The following NKAIN2 variants were observed in gnomAD, a reference collection of about 807,000 sequenced individuals.
The protein encoded by NKAIN2 is sodium/potassium-transporting ATPase subunit beta-1-interacting protein 2.
Under a neutral mutation model 32.6 loss-of-function variants are expected in NKAIN2, and 14 were observed. The ratio of observed to expected loss-of-function variants is 0.43; its 90% CI spans 0.28 to 0.67. NKAIN2 has a LOEUF of 0.67. Ranked by LOEUF, NKAIN2 falls within the 30% of genes least tolerant of loss-of-function variation. The pLI is 0.17. For missense variants in NKAIN2, 198 were observed against 258.3 expected, an observed-to-expected ratio of 0.77 and a Z score of 1.60; for synonymous variants, 80 against 87.2, an observed-to-expected ratio of 0.92 and a Z score of 0.46.
intron 1 of NKAIN2, among the ~76,000 whole-genome samples, chr6:123,987,623 G>A (rs1019915861): frequency 1.3e-5 from 2 of 152,140 alleles, no homozygotes; most frequent in African/African-American, 4.8e-5. Flanking sequence ...TCAGTGCCTT[G>A]CATTTGTAAG....
intron 3 of NKAIN2, among the ~76,000 whole-genome samples, chr6:124,624,752 C>T (rs1323579726): frequency 6.6e-6 from 1 of 152,106 alleles, no homozygotes; most frequent in Non-Finnish European, 1.5e-5. Context: ...TACTCTAACA[C>T]AAGTCTATTT....
intron 2 of NKAIN2, among the ~76,000 whole-genome samples, chr6:124,315,492 A>G (rs988496731): frequency 4.0e-5 from 6 of 151,830 alleles, no homozygotes; most frequent in African/African-American, 1.2e-4. Flanking sequence ...AGCAATTGAC[A>G]TGTGTAAAAT....
chr6:124,404,436 C>G (rs1488228401), intron 3 of NKAIN2, among the ~76,000 whole-genome samples: 1 of 152,184 alleles, frequency 6.6e-6, no homozygotes, highest in Non-Finnish European at 1.5e-5. Context: ...GCCAGAAGAA[C>G]AGTGGCACCA....
chr6:123,911,824 C>CTGT (rs1775221444), intron 1 of NKAIN2, among the ~76,000 whole-genome samples: 1 of 68,704 alleles, frequency 1.5e-5, no homozygotes, highest in East Asian at 8.3e-4. Context: ...CACACACACA[C>CTGT]ACACACACAC....
chr6:123,923,519 T>A (rs576968348), intron 1 of NKAIN2, among the ~76,000 whole-genome samples: 13 of 151,944 alleles, frequency 8.6e-5, no homozygotes, highest in African/African-American at 2.7e-4. Context: ...CTATTCACAA[T>A]AGCAAAGACT....
intron 3 of NKAIN2, among the ~76,000 whole-genome samples, chr6:124,436,538 G>T (rs62436342): frequency 2.6e-5 from 4 of 152,116 alleles, no homozygotes; most frequent in Admixed American, 6.6e-5. Flanking sequence ...ACATAGAAAC[G>T]TATTTGAATA....
At chr6:124,247,666 T>C (rs971860549) in intron 1 of NKAIN2, among the ~76,000 whole-genome samples, 2 of 152,136 alleles carry the variant, frequency 1.3e-5, no homozygotes, top group African/African-American at 4.8e-5. Flanking sequence ...GAGTTTTTTC[T>C]TTATCTCTCC....
At chr6:124,227,168 A>T (rs1207512247) in intron 1 of NKAIN2, among the ~76,000 whole-genome samples, 15 of 150,760 alleles carry the variant, frequency 9.9e-5, no homozygotes, top group Non-Finnish European at 1.9e-4. Flanking sequence ...CATTTATGCC[A>T]CTTAGAGGGA....
intron 1 of NKAIN2, among the ~76,000 whole-genome samples, chr6:124,020,891 T>A (rs1780831886): frequency 6.6e-6 from 1 of 152,176 alleles, no homozygotes; most frequent in South Asian, 2.1e-4. Context: ...TATCTCAATT[T>A]GTTTGCTATA....
At chr6:124,132,168 CT>C (rs1480044694) in intron 1 of NKAIN2, among the ~76,000 whole-genome samples, 2 of 152,272 alleles carry the variant, frequency 1.3e-5, no homozygotes, top group Non-Finnish European at 2.9e-5. Context: ...GTGAACTATA[CT>C]GCACAGCAGA....
intron 1 of NKAIN2, among the ~76,000 whole-genome samples, chr6:124,185,084 G>A (rs944829803): frequency 6.6e-5 from 10 of 151,946 alleles, no homozygotes; most frequent in Non-Finnish European, 1.2e-4. Flanking sequence ...TGATTTAAAT[G>A]TAAAACATAT....
intron 2 of NKAIN2, among the ~76,000 whole-genome samples, chr6:124,346,954 A>C (rs1454715190): frequency 6.6e-6 from 1 of 152,062 alleles, no homozygotes; most frequent in Non-Finnish European, 1.5e-5. Context: ...TTTTGGCATG[A>C]TTTTGCAGCA....
chr6:124,550,745 G>A (rs1267181333), intron 3 of NKAIN2, among the ~76,000 whole-genome samples: 1 of 152,176 alleles, frequency 6.6e-6, no homozygotes, highest in East Asian at 1.9e-4. Context: ...CAAGTGGAGG[G>A]GCTGTGCTTT....
intron 3 of NKAIN2, among the ~76,000 whole-genome samples, chr6:124,555,039 A>C (rs1780422980): frequency 6.6e-6 from 1 of 152,040 alleles, no homozygotes; most frequent in Non-Finnish European, 1.5e-5. Context: ...TCCCACTAGG[A>C]CCCTCGGACA....
At chr6:124,055,968 C>T (rs1782626033) in intron 1 of NKAIN2, among the ~76,000 whole-genome samples, 1 of 152,034 alleles carries the variant, frequency 6.6e-6, no homozygotes, top group Non-Finnish European at 1.5e-5. Context: ...AATACCTTTT[C>T]TCCTATCTCC....
chr6:124,338,966 A>G (rs1562498318), intron 2 of NKAIN2, among the ~76,000 whole-genome samples: 1 of 152,172 alleles, frequency 6.6e-6, no homozygotes, highest in Non-Finnish European at 1.5e-5. Context: ...TGGTGGGTGT[A>G]CTAGTTTCCC....
intron 3 of NKAIN2, among the ~76,000 whole-genome samples, chr6:124,567,473 G>A (rs143537605): frequency 9.1e-4 from 138 of 152,156 alleles, no homozygotes; most frequent in African/African-American, 1.9e-3. Flanking sequence ...GCAGCTCTCC[G>A]TCTCCTCAAC....
At chr6:124,088,314 G>A (rs756340718) in intron 1 of NKAIN2, among the ~76,000 whole-genome samples, 17 of 151,936 alleles carry the variant, frequency 1.1e-4, no homozygotes, top group Admixed American at 7.9e-4. Flanking sequence ...CCAGCTACTC[G>A]GGAGGCTGAG....
intron 3 of NKAIN2, among the ~76,000 whole-genome samples, chr6:124,374,785 A>G (rs1799910527): frequency 6.6e-6 from 1 of 152,142 alleles, no homozygotes; most frequent in African/African-American, 2.4e-5. Context: ...ATCCAACAGT[A>G]AGAGAATAGT....
Sources: allele counts gnomAD v4.1 joint callset (sites outside exome capture counted in the v4.1 genomes callset), GRCh38; gene constraint gnomAD v4.1.1; transcripts MANE v1.5; gene names NCBI Gene and HGNC (gene_info 2026-07-23, HGNC 2026-07-21).